The following UNC13C variants were observed in gnomAD, a reference collection of about 807,000 sequenced individuals.
UNC13C encodes protein unc-13 homolog C.
A neutral mutation model predicts 245.4 loss-of-function variants in UNC13C; 174 were observed. The observed-to-expected ratio is 0.71, with a 90% CI of 0.63 to 0.80. The LOEUF (loss-of-function observed/expected upper bound fraction) is 0.80, where lower values mean the gene tolerates loss of function less well. Ranked by LOEUF, UNC13C falls within the 30% of genes least tolerant of loss-of-function variation. The pLI, the probability that UNC13C is intolerant of heterozygous loss-of-function variation, is 0.00. For missense variants in UNC13C, 2,829 were observed against 2,602.9 expected, an observed-to-expected ratio of 1.09 and a Z score of -1.89; for synonymous variants, 992 against 895.1, an observed-to-expected ratio of 1.11 and a Z score of -1.93.
chr15:54,211,257 T>C lies in UNC13C; in HGVS notation c.3072-23773T>C, dbSNP rs568250265. On this transcript the variant is annotated intron_variant, in intron 4 of 32. Transcript: ENST00000260323. The stretch of plus-strand genomic sequence containing the variant: ...AGATACTGATTTTAAAGAACTCAAA[T>C]ATTTCTATAAATGTTATGTAGAATG... Among the ~76,000 whole-genome samples, 12 of 152,228 alleles carry C rather than the reference T, an allele frequency of 7.9e-5. No homozygotes were observed. The South Asian group carries it at 1.7e-3, about 21-fold the overall frequency.
At chr15:54,625,832 G>C (rs1901104239) in intron 32 of UNC13C, among the ~76,000 whole-genome samples, 1 of 152,078 alleles carries the variant, frequency 6.6e-6, no homozygotes, top group African/African-American at 2.4e-5. Flanking sequence ...CCCAACTAAA[G>C]TTTCTTGTTA....
intron 17 of UNC13C, among the ~76,000 whole-genome samples, chr15:54,350,649 C>G (rs2038961804): frequency 1.3e-5 from 2 of 152,166 alleles, no homozygotes; most frequent in South Asian, 4.1e-4. Context: ...TAGCATCTAA[C>G]AAGTATAAAA....
intron 2 of UNC13C, among the ~76,000 whole-genome samples, chr15:54,076,612 A>G (rs889874937): frequency 8.0e-6 from 1 of 124,886 alleles, no homozygotes; most frequent in Admixed American, 8.1e-5. Flanking sequence ...TGGAAATAGA[A>G]TAGGAGGTTG....
intron 12 of UNC13C, among the ~76,000 whole-genome samples, chr15:54,299,527 T>C (rs1229420681): frequency 1.3e-5 from 2 of 152,160 alleles, no homozygotes; most frequent in Admixed American, 6.5e-5. Context: ...AGAAATGTTT[T>C]CAGGCAAAAA....
intron 2 of UNC13C, among the ~76,000 whole-genome samples, chr15:54,084,201 C>T (rs1235472718): frequency 6.6e-6 from 1 of 152,214 alleles, no homozygotes; most frequent in Non-Finnish European, 1.5e-5. Flanking sequence ...CTCTTGAGAG[C>T]CCGTCCATTC....
chr15:53,965,350 C>T, the UNC13C span, among the ~76,000 whole-genome samples: 1 of 151,982 alleles, frequency 6.6e-6, no homozygotes, highest in Non-Finnish European at 1.5e-5. Context: ...AACATTTGAA[C>T]TCTTTTTAAA....
At chr15:54,109,894 G>A (rs913105027) in intron 2 of UNC13C, among the ~76,000 whole-genome samples, 2 of 152,036 alleles carry the variant, frequency 1.3e-5, no homozygotes, top group African/African-American at 2.4e-5. Flanking sequence ...TCTGCTTGGT[G>A]GCTATCCCAT....
intron 4 of UNC13C, among the ~76,000 whole-genome samples, chr15:54,170,802 T>G (rs1184209866): frequency 1.3e-5 from 2 of 152,170 alleles, no homozygotes; most frequent in African/African-American, 4.8e-5. Context: ...AAATCCTCAT[T>G]CTTTCGCAGA....
At chr15:54,350,247 C>G (rs1048138783) in intron 17 of UNC13C, among the ~76,000 whole-genome samples, 3 of 152,172 alleles carry the variant, frequency 2.0e-5, no homozygotes, top group Non-Finnish European at 4.4e-5. Context: ...GCCTCGGCCT[C>G]CCAAAGTGCT....
intron 18 of UNC13C, among the ~76,000 whole-genome samples, chr15:54,408,148 C>G (rs1340042108): frequency 7.6e-6 from 1 of 130,808 alleles, no homozygotes; most frequent in Admixed American, 8.7e-5. Context: ...TGCAGTAAGC[C>G]GAGATGGCGC....
intron 2 of UNC13C, among the ~76,000 whole-genome samples, chr15:54,029,015 CTATT>C (rs142730173): frequency 0.015 from 2,238 of 152,262 alleles, 61 homozygotes; most frequent in African/African-American, 0.052. Context: ...TGATTTTAAA[CTATT>C]TATGAGAAAT....
intron 30 of UNC13C, among the ~76,000 whole-genome samples, chr15:54,596,260 A>G (rs1327223739): frequency 6.6e-6 from 1 of 152,212 alleles, no homozygotes; most frequent in Non-Finnish European, 1.5e-5. Flanking sequence ...TTTTCTACCA[A>G]AAGTGCTACA....
In UNC13C at chr15:54,274,447, A is replaced by G. The variant is rs564956085; in HGVS notation, c.3818+8951A>G. Among the ~76,000 whole-genome samples the G allele has an allele frequency of 1.1e-4, 16 of 152,258 alleles. No homozygotes were observed. The South Asian group carries it at 2.3e-3, about 22-fold the overall frequency. ...TACTTCACAACTAATCATTGTCATT[A>G]TGATTGTTGTTATCATTTTACAAAT... On this transcript the variant is annotated intron_variant, in intron 10 of 32. Transcript: ENST00000260323.
At chr15:54,370,078 T>A (rs1450771319) in intron 17 of UNC13C, among the ~76,000 whole-genome samples, 1 of 152,188 alleles carries the variant, frequency 6.6e-6, no homozygotes, top group Non-Finnish European at 1.5e-5. Flanking sequence ...AGGACTGCTA[T>A]CGAGCCAACG....
intron 1 of UNC13C, among the ~76,000 whole-genome samples, chr15:53,979,690 T>C (rs777671743): frequency 6.6e-6 from 1 of 152,154 alleles, no homozygotes; most frequent in Non-Finnish European, 1.5e-5. Flanking sequence ...CACTTAAAAA[T>C]CAATTTTCCT....
At chr15:53,937,759 C>T in the UNC13C span, among the ~76,000 whole-genome samples, 1 of 149,164 alleles carries the variant, frequency 6.7e-6, no homozygotes, top group Non-Finnish European at 1.5e-5. Context: ...AATTTCTAAC[C>T]CAGAATTTTA....
chr15:54,276,611 T>C (rs2140908855), intron 10 of UNC13C, among the ~76,000 whole-genome samples: 1 of 152,230 alleles, frequency 6.6e-6, no homozygotes, highest in East Asian at 1.9e-4. Context: ...TTGTAGATAG[T>C]ATAGCCAGAA....
intron 24 of UNC13C, among the ~76,000 whole-genome samples, chr15:54,522,038 A>C (rs1299147563): frequency 6.6e-6 from 1 of 152,224 alleles, no homozygotes; most frequent in Non-Finnish European, 1.5e-5. Flanking sequence ...GTCAGTGTAG[A>C]GGCTAGATCT....
intron 29 of UNC13C, among the ~76,000 whole-genome samples, chr15:54,557,766 G>C (rs80108880): frequency 0.061 from 9,250 of 151,902 alleles, 392 homozygotes; most frequent in Admixed American, 0.13. Context: ...ATGCTATGAA[G>C]TTTTTAGAAT....
Sources: allele counts gnomAD v4.1 joint callset (sites outside exome capture counted in the v4.1 genomes callset), GRCh38; gene constraint gnomAD v4.1.1; transcripts MANE v1.5; gene names NCBI Gene and HGNC (gene_info 2026-07-23, HGNC 2026-07-21).